TSHZ1: variants seen among roughly 807,000 people sequenced by gnomAD.
TSHZ1 encodes the protein teashirt homolog 1.
TSHZ1 carries 12 observed loss-of-function variants against 67.1 expected under a neutral mutation model. The observed-to-expected ratio is 0.18, with a 90% CI of 0.11 to 0.29. The LOEUF is 0.29. TSHZ1 is among the 10% of genes least tolerant of loss of function. TSHZ1 has a pLI of 1.00. For missense variants in TSHZ1, 1,305 were observed against 1,413.9 expected (o/e 0.92, Z 1.23); for synonymous variants, 632 against 622.4 (o/e 1.02, Z -0.23).
intron 1 of TSHZ1, among the ~76,000 whole-genome samples, chr18:75,229,726 T>C (rs1371786897): frequency 6.6e-6 from 1 of 152,220 alleles, no homozygotes; most frequent in Non-Finnish European, 1.5e-5. Context: ...GGAAGCTGTT[T>C]TTGGTTTCAA....
intron 1 of TSHZ1, among the ~76,000 whole-genome samples, chr18:75,220,246 G>T (rs893790260): frequency 6.6e-6 from 1 of 152,152 alleles, no homozygotes; most frequent in Admixed American, 6.5e-5. Context: ...TTTTGCGTGT[G>T]TGCCTATTTT....
intron 1 of TSHZ1, among the ~76,000 whole-genome samples, chr18:75,244,224 C>T (rs904088790): frequency 1.3e-5 from 2 of 152,116 alleles, no homozygotes; most frequent in African/African-American, 2.4e-5. Context: ...CCTTTGCTGT[C>T]GGTGGCCCTT....
intron 1 of TSHZ1, among the ~76,000 whole-genome samples, chr18:75,234,066 A>G (rs2023034200): frequency 2.0e-5 from 3 of 152,162 alleles, no homozygotes; most frequent in African/African-American, 7.2e-5. Flanking sequence ...TTTAGAAGAT[A>G]CTAATTTTAG....
chr18:75,232,212 C>CT (rs1035203341), intron 1 of TSHZ1, among the ~76,000 whole-genome samples: 3 of 152,076 alleles, frequency 2.0e-5, no homozygotes, highest in Admixed American at 6.6e-5. Flanking sequence ...TGCGCCCGGA[C>CT]TTTTTTTTAG....
At chr18:75,212,005 C>G in intron 1 of TSHZ1, 89 bp downstream of exon 1, 1 of 1,034,620 alleles carries the variant, frequency 9.7e-7, no homozygotes, top group Non-Finnish European at 1.2e-6. Context: ...GGGACGTGGG[C>G]CGCGGGCCGC....
intron 1 of TSHZ1, among the ~76,000 whole-genome samples, chr18:75,282,328 C>T (rs2023697292): frequency 6.6e-6 from 1 of 152,154 alleles, no homozygotes; most frequent in Admixed American, 6.5e-5. Context: ...ACTCCGGACC[C>T]TCATCCTTTG....
At position 75,288,147 on chromosome 18, in the gene TSHZ1, G is replaced by A. The variant is rs2023808977; in HGVS notation, c.2740G>A (p.Gly914Ser). 6.2e-7 allele frequency: 1 copy of A among 1,613,958 alleles called. No individual in the cohort carries two copies. Among genetic ancestry groups the A allele is most frequent in the African/African-American group, 1.3e-5 (1 of 74,928 alleles). The change falls in exon 2 of 2, where the codon GGC (glycine) becomes AGC (serine). Residue 914 changes from glycine (G) to serine (S), a missense_variant. Coordinates refer to ENST00000580243, the MANE Select transcript of TSHZ1 (RefSeq NM_001308210.2). The surrounding 1 kb of genome is among the most constrained non-coding windows in gnomAD (Gnocchi z 4.9). ...CTCGAGCTTGCGGGAGACCACAGAG[G>A]GCAAGTACATCATGTCGGACTTGGG... ...FASSLRETTE[G>S]KYIMSDLGPQ...
At chr18:75,261,883 A>T (rs1211266567) in intron 1 of TSHZ1, among the ~76,000 whole-genome samples, 4 of 152,232 alleles carry the variant, frequency 2.6e-5, no homozygotes, top group Non-Finnish European at 5.9e-5. Context: ...GCAAATAAGT[A>T]GCTACAACTC....
chr18:75,274,067 T>C (rs759049944), intron 1 of TSHZ1, among the ~76,000 whole-genome samples: 1 of 152,166 alleles, frequency 6.6e-6, no homozygotes, highest in Non-Finnish European at 1.5e-5. Context: ...CCTTGCGGTC[T>C]GTAGGGTGCT....
chr18:75,236,245 T>C (rs2023069326), intron 1 of TSHZ1, among the ~76,000 whole-genome samples: 2 of 152,188 alleles, frequency 1.3e-5, no homozygotes, highest in Admixed American at 1.3e-4. Context: ...TTCTTCCCCC[T>C]GACCTTCCCA....
rs2023788886 is a variant in TSHZ1, at chr18:75,287,371, A to T, written c.1964A>T (p.Glu655Val). The T allele has an allele frequency of 6.2e-7, 1 of 1,614,110 alleles. No individual in the cohort carries two copies. The highest frequency in any genetic ancestry group is 1.3e-5 in the African/African-American group (1 of 75,054). Residue 655 changes from glutamate (E) to valine (V), a missense_variant, in exon 2 of 2, where the codon GAG becomes GTG. This residue lies in a region of TSHZ1 where 909 missense variants were observed against 961.8 expected (regional missense o/e 0.95). Coordinates refer to ENST00000580243, the MANE Select transcript of TSHZ1 (RefSeq NM_001308210.2). The surrounding 1 kb of genome is among the most constrained non-coding windows in gnomAD (Gnocchi z 5.0). Reference protein sequence around the residue: ...KVTGKVNIKKEERPPEKEKSS... With the variant: ...KVTGKVNIKKVERPPEKEKSS... ...ACGGGCAAGGTCAACATCAAGAAGG[A>T]GGAGAGACCCCCTGAGAAGGAGAAG...
chr18:75,217,205 AAC>A (rs529234659), intron 1 of TSHZ1, among the ~76,000 whole-genome samples: 14 of 152,206 alleles, frequency 9.2e-5, no homozygotes, highest in Non-Finnish European at 2.1e-4. Context: ...ATGAACGATT[AAC>A]AGTGTCATAA....
intron 1 of TSHZ1, among the ~76,000 whole-genome samples, chr18:75,226,386 T>G (rs2022925841): frequency 6.6e-6 from 1 of 152,174 alleles, no homozygotes; most frequent in African/African-American, 2.4e-5. Flanking sequence ...AAGACGCCTA[T>G]CAGGCACTGT....
rs986947600 is a variant in TSHZ1 at position 75,281,970 on chromosome 18, C to T, written c.41-3478C>T. 6.6e-6 allele frequency among the ~76,000 whole-genome samples: 1 copy of T among 152,160 alleles called. No homozygotes were observed. The highest frequency in any genetic ancestry group is 2.4e-5 in the African/African-American group (1 of 41,430). Reference sequence around the variant, plus strand: ...TTGCTTCTTCCCTGGGACATGAGTCCCCGTCCCTAGGGCAGGGACTTTATG... The same window carrying T: ...TTGCTTCTTCCCTGGGACATGAGTCTCCGTCCCTAGGGCAGGGACTTTATG... On this transcript the variant is annotated intron_variant, in intron 1 of 1. Coordinates refer to ENST00000580243, the MANE Select transcript of TSHZ1 (RefSeq NM_001308210.2). The surrounding 1 kb of genome is among the most constrained non-coding windows in gnomAD (Gnocchi z 5.3).
chr18:75,254,022 C>T (rs1226325065), intron 1 of TSHZ1, among the ~76,000 whole-genome samples: 1 of 152,200 alleles, frequency 6.6e-6, no homozygotes, highest in Non-Finnish European at 1.5e-5. Context: ...CTGGGCCTGG[C>T]GTAGCATTGA....
chr18:75,231,908 G>A (rs6566062), intron 1 of TSHZ1, among the ~76,000 whole-genome samples: 35,081 of 151,420 alleles, frequency 0.23, 4,045 homozygotes, highest in East Asian at 0.33. Flanking sequence ...TGCATGTGAT[G>A]CCTTATTTAT....
intron 1 of TSHZ1, among the ~76,000 whole-genome samples, chr18:75,238,994 G>T (rs563144412): frequency 6.7e-6 from 1 of 150,138 alleles, no homozygotes; most frequent in East Asian, 1.9e-4. Context: ...TCTGCAGTCT[G>T]CACAAGGCTG....
In TSHZ1 at chr18:75,288,617, T is replaced by C. The variant is rs753626411; in HGVS notation, c.3210T>C (p.Tyr1070=). 3 of 1,601,186 alleles carry C rather than the reference T, an allele frequency of 1.9e-6. No individual in the cohort carries two copies. The highest frequency in any genetic ancestry group is 2.6e-6 in the Non-Finnish European group (3 of 1,174,314). The stretch of plus-strand genomic sequence containing the variant: ...AGTCTCCCGAGGACCACCTGATCTA[T>C]GTGACTGAGTTGGAGAAACAGTAGC... ...HGKSPEDHLI[Y]VTELEKQ is the part of the protein sequence containing the mutation. The change falls in exon 2 of 2, where the codon TAT becomes TAC. Residue 1070 remains tyrosine (Y), a synonymous_variant. Coordinates refer to ENST00000580243, the MANE Select transcript of TSHZ1 (RefSeq NM_001308210.2). The surrounding 1 kb of genome is among the most constrained non-coding windows in gnomAD (Gnocchi z 4.9).
intron 1 of TSHZ1, among the ~76,000 whole-genome samples, chr18:75,222,460 C>T (rs915426315): frequency 5.9e-5 from 9 of 152,184 alleles, no homozygotes; most frequent in East Asian, 1.9e-4. Context: ...CACAAAAGAT[C>T]GTTGTCTCCT....
Sources: allele counts gnomAD v4.1 joint callset (sites outside exome capture counted in the v4.1 genomes callset), GRCh38; gene constraint gnomAD v4.1.1; regional missense constraint gnomAD v4.1.1; non-coding constraint Gnocchi (gnomAD v3.1); transcripts MANE v1.5; gene names NCBI Gene and HGNC (gene_info 2026-07-23, HGNC 2026-07-21).